Variants in ADGB observed in about 807,000 individuals in gnomAD.
ADGB encodes androglobin.
A neutral mutation model predicts 210.5 loss-of-function variants in ADGB; 172 were observed. That is an observed-to-expected ratio of 0.82 (90% CI 0.72 to 0.93). The LOEUF is 0.93. ADGB is among the 40% of genes least tolerant of loss of function. ADGB has a pLI of 0.00. For missense variants in ADGB, 2,025 were observed against 1,964.8 expected (o/e 1.03, Z -0.58); for synonymous variants, 658 against 662.7 (o/e 0.99, Z 0.11).
In ADGB at chr6:146,736,544, G is replaced by A; in HGVS notation, c.2841G>A (p.Trp947Ter). Reference protein sequence around the residue: ...ISVADTLQKVWAVLEMNLEQY... With the variant: ...ISVADTLQKV ...TTGCAGATACTCTTCAAAAAGTTTG[G>A]GCTGTATTGGAAATGAATTTAGAAC... is the stretch of plus-strand genomic sequence containing the variant. Residue 947 changes from tryptophan (W) to a stop codon, truncating the protein, a stop_gained, in exon 23 of 36, where the codon TGG (tryptophan) becomes TGA (stop). Transcript: ENST00000397944. LOFTEE classifies it high-confidence loss of function. 6.5e-7 allele frequency: 1 copy of A among 1,549,014 alleles called. No individual in the cohort carries two copies. The highest frequency in any genetic ancestry group is 1.2e-5 in the South Asian group (1 of 83,514).
At chr6:146,774,893 C>G (rs1479870220) in intron 29 of ADGB, among the ~76,000 whole-genome samples, 2 of 152,128 alleles carry the variant, frequency 1.3e-5, no homozygotes, top group Non-Finnish European at 1.5e-5. Context: ...GTGCCTCACC[C>G]TCCCAAGTAG....
At chr6:146,661,220 C>CTTTTTTTTTTTTTTTT (rs5880682) in intron 5 of ADGB, among the ~76,000 whole-genome samples, 5 of 116,060 alleles carry the variant, frequency 4.3e-5, no homozygotes, top group Non-Finnish European at 8.5e-5. Context: ...TTCTTTTTTT[C>CTTTTTTTTTTTTTTTT]TTTTTTTTTT....
At chr6:146,655,821 T>C (rs1294377270) in intron 4 of ADGB, among the ~76,000 whole-genome samples, 1 of 152,156 alleles carries the variant, frequency 6.6e-6, no homozygotes, top group African/African-American at 2.4e-5. Context: ...TGTCTTTTTC[T>C]ACTTTATCAA....
intron 24 of ADGB, among the ~76,000 whole-genome samples, 190 bp from the exon 25 acceptor site, chr6:146,740,927 AT>A (rs1262027155): frequency 6.6e-6 from 1 of 152,102 alleles, no homozygotes; most frequent in African/African-American, 2.4e-5. Flanking sequence ...TATAAAATTG[AT>A]TTTTTAATAG....
intron 29 of ADGB, among the ~76,000 whole-genome samples, chr6:146,776,803 C>T (rs1171896644): frequency 6.6e-6 from 1 of 151,928 alleles, no homozygotes; most frequent in Non-Finnish European, 1.5e-5. Flanking sequence ...ATTTTAAATG[C>T]TCTATATTGA....
chr6:146,631,927 G>A (rs1396814291), intron 1 of ADGB, among the ~76,000 whole-genome samples: 2 of 150,486 alleles, frequency 1.3e-5, no homozygotes, highest in East Asian at 3.9e-4. Flanking sequence ...TTCTTGATCT[G>A]CTAGCTGCAT....
chr6:146,650,713 G>A (rs9497591), intron 3 of ADGB, among the ~76,000 whole-genome samples: 1 of 149,324 alleles, frequency 6.7e-6, no homozygotes, highest in Admixed American at 6.7e-5. Context: ...CTGACAATCC[G>A]ATGGACCTGG....
chr6:146,745,740 T>C (rs1282294688), intron 25 of ADGB, among the ~76,000 whole-genome samples, 182 bp from the exon 26 acceptor site: 1 of 152,146 alleles, frequency 6.6e-6, no homozygotes, highest in Non-Finnish European at 1.5e-5. Flanking sequence ...CCTGAAAACT[T>C]TGTAGGATAG....
At chr6:146,683,086 T>G (rs956209693) in intron 9 of ADGB, among the ~76,000 whole-genome samples, 1 of 152,046 alleles carries the variant, frequency 6.6e-6, no homozygotes, top group African/African-American at 2.4e-5. Context: ...TGAGTTTGGC[T>G]ATGGGATGAC....
intron 3 of ADGB, among the ~76,000 whole-genome samples, chr6:146,650,713 G>C: frequency 6.7e-6 from 1 of 149,324 alleles, no homozygotes; most frequent in Non-Finnish European, 1.5e-5. Flanking sequence ...CTGACAATCC[G>C]ATGGACCTGG....
intron 1 of ADGB, among the ~76,000 whole-genome samples, chr6:146,599,373 CCCT>C (rs978808604): frequency 4.6e-4 from 70 of 152,224 alleles, no homozygotes; most frequent in African/African-American, 1.6e-3. Context: ...AATCTGCCAC[CCCT>C]CCTCTTCTTC....
intron 19 of ADGB, 134 bp downstream of exon 19, chr6:146,726,331 C>T (rs2114577748): frequency 5.5e-6 from 3 of 543,308 alleles, no homozygotes; most frequent in South Asian, 2.7e-5. Flanking sequence ...AAGCAATTCT[C>T]CTTGCCTCAG....
intron 12 of ADGB, among the ~76,000 whole-genome samples, chr6:146,700,140 GT>G (rs1216191390): frequency 2.0e-5 from 3 of 152,208 alleles, no homozygotes; most frequent in African/African-American, 7.2e-5. Context: ...GAGCAAGCCT[GT>G]TTTTTAGTGA....
chr6:146,779,386 A>C, intron 29 of ADGB, among the ~76,000 whole-genome samples: 1 of 152,230 alleles, frequency 6.6e-6, no homozygotes, highest in East Asian at 1.9e-4. Flanking sequence ...GAAGAAAAAG[A>C]GAAAGTGGCA....
intron 13 of ADGB, among the ~76,000 whole-genome samples, chr6:146,710,412 A>T (rs1450880886): frequency 1.3e-5 from 2 of 152,110 alleles, no homozygotes; most frequent in African/African-American, 2.4e-5. Flanking sequence ...AGCCATTGCA[A>T]TATGATAATG....
At chr6:146,751,302 A>T (rs1400021024) in intron 26 of ADGB, among the ~76,000 whole-genome samples, 1 of 152,094 alleles carries the variant, frequency 6.6e-6, no homozygotes, top group African/African-American at 2.4e-5. Flanking sequence ...CCTGCAAAGG[A>T]CATGATCTCA....
chr6:146,746,889 A>G (rs1777247652), intron 26 of ADGB, among the ~76,000 whole-genome samples: 1 of 152,098 alleles, frequency 6.6e-6, no homozygotes, highest in Admixed American at 6.6e-5. Context: ...TTGCTCGAGC[A>G]TTTCCTCTTG....
At chr6:146,779,321 C>T (rs907646502) in intron 29 of ADGB, among the ~76,000 whole-genome samples, 4 of 152,196 alleles carry the variant, frequency 2.6e-5, no homozygotes, top group African/African-American at 9.7e-5. Context: ...TCTTCAGAGA[C>T]TTGTGGGACA....
chr6:146,609,509 A>T (rs1468047525), intron 1 of ADGB, among the ~76,000 whole-genome samples: 1 of 152,162 alleles, frequency 6.6e-6, no homozygotes, highest in Non-Finnish European at 1.5e-5. Context: ...TCAATTCCAT[A>T]GTTGATTTAT....
Sources: allele counts gnomAD v4.1 joint callset (sites outside exome capture counted in the v4.1 genomes callset), GRCh38; gene constraint gnomAD v4.1.1; transcripts MANE v1.5; gene names NCBI Gene and HGNC (gene_info 2026-07-23, HGNC 2026-07-21).